Variants in KLRG1 observed in about 807,000 individuals in gnomAD.
KLRG1 encodes the protein killer cell lectin like receptor G1, also known as killer cell lectin-like receptor subfamily G member 1.
In KLRG1, 16 loss-of-function variants were observed where a neutral mutation model predicts 21.8. The observed-to-expected ratio is 0.73, with a 90% CI of 0.50 to 1.11. The LOEUF is 1.11. KLRG1 is among the 50% of genes most tolerant of loss of function. The pLI is 0.00. For missense variants in KLRG1, 173 were observed against 218.3 expected, an observed-to-expected ratio of 0.79 and a Z score of 1.31; for synonymous variants, 69 against 75.9, an observed-to-expected ratio of 0.91 and a Z score of 0.47.
intron 1 of KLRG1, among the ~76,000 whole-genome samples, chr12:8,983,680 C>G (rs757453510): frequency 6.6e-6 from 1 of 152,084 alleles, no homozygotes; most frequent in Non-Finnish European, 1.5e-5. Flanking sequence ...GGATTACAGC[C>G]GTGAACCGCC....
chr12:9,115,362 T>G, the KLRG1 span: 1 of 162,360 alleles, frequency 6.2e-6, no homozygotes, highest in Non-Finnish European at 1.4e-5. Flanking sequence ...TATAGATTTT[T>G]ATACTCCAGG....
chr12:9,111,227 A>G, the KLRG1 span, among the ~76,000 whole-genome samples: 14 of 152,216 alleles, frequency 9.2e-5, no homozygotes, highest in Non-Finnish European at 1.5e-5. Flanking sequence ...CTAGGTATTG[A>G]GAATATAACC....
the KLRG1 span, chr12:9,070,718 AG>A: frequency 1.6e-6 from 1 of 621,716 alleles, no homozygotes; most frequent in Non-Finnish European, 2.8e-6. Flanking sequence ...GGTTTGTAAA[AG>A]TGGTGTGCGT....
the KLRG1 span, chr12:9,169,339 A>T: frequency 8.2e-7 from 1 of 1,224,232 alleles, no homozygotes; most frequent in Non-Finnish European, 1.1e-6. Flanking sequence ...AGGCAAGGCT[A>T]CATAATTACT....
the KLRG1 span, chr12:9,101,273 T>C: frequency 1.9e-5 from 29 of 1,491,142 alleles, no homozygotes; most frequent in South Asian, 2.8e-4. Context: ...CTCACTTCAA[T>C]ATACTTGTTT....
chr12:9,149,326 A>G, the KLRG1 span, among the ~76,000 whole-genome samples: 1 of 152,232 alleles, frequency 6.6e-6, no homozygotes, highest in South Asian at 2.1e-4. Context: ...TCGCTTTTAG[A>G]GATAGCTGTC....
chr12:9,101,292 C>A, the KLRG1 span: 4 of 1,430,802 alleles, frequency 2.8e-6, no homozygotes, highest in African/African-American at 1.4e-5. Context: ...TTTATTGAGT[C>A]CCTGCCGGCA....
intron 2 of KLRG1, 120 bp from the exon 3 acceptor site, chr12:8,994,999 T>C (rs529271560): frequency 7.0e-5 from 57 of 814,450 alleles, no homozygotes; most frequent in Non-Finnish European, 7.0e-5. Flanking sequence ...CTCTAACCCT[T>C]AATCTGAAAA....
chr12:9,082,729 C>G, the KLRG1 span, among the ~76,000 whole-genome samples: 2 of 152,298 alleles, frequency 1.3e-5, no homozygotes, highest in Non-Finnish European at 2.9e-5. Context: ...TATGAAATCA[C>G]TGACAAAGAA....
At chr12:9,105,833 T>G in the KLRG1 span, among the ~76,000 whole-genome samples, 3 of 152,194 alleles carry the variant, frequency 2.0e-5, no homozygotes, top group Non-Finnish European at 4.4e-5. Flanking sequence ...CCCACCTGTT[T>G]CCATACAAAG....
chr12:9,074,899 C>T, the KLRG1 span: 6 of 1,091,140 alleles, frequency 5.5e-6, no homozygotes, highest in Admixed American at 2.5e-5. Context: ...ATCCCCTGTA[C>T]TGTATGTAGA....
At chr12:9,047,459 G>A in the KLRG1 span, among the ~76,000 whole-genome samples, 1 of 152,052 alleles carries the variant, frequency 6.6e-6, no homozygotes, top group East Asian at 1.9e-4. Context: ...GAGACAAAAT[G>A]AAATAATATA....
At chr12:9,151,885 T>C in the KLRG1 span, among the ~76,000 whole-genome samples, 1 of 152,246 alleles carries the variant, frequency 6.6e-6, no homozygotes, top group Admixed American at 6.5e-5. Context: ...GTTGATTTTT[T>C]TTCCTTCCCA....
chr12:9,158,679 G>T, the KLRG1 span: 1 of 1,137,286 alleles, frequency 8.8e-7, no homozygotes, highest in Non-Finnish European at 1.2e-6. Context: ...ACCCAAGAAA[G>T]TCAATCAGCT....
chr12:9,099,034 T>C, the KLRG1 span, among the ~76,000 whole-genome samples: 1 of 152,202 alleles, frequency 6.6e-6, no homozygotes, highest in Non-Finnish European at 1.5e-5. Flanking sequence ...TGCTCATTAA[T>C]TGTGGTGGGA....
chr12:9,031,389 A>C, the KLRG1 span, among the ~76,000 whole-genome samples: 35,862 of 152,144 alleles, frequency 0.24, 4,870 homozygotes, highest in South Asian at 0.32. Context: ...GGACTGTCAA[A>C]CAAAGGGAGG....
the KLRG1 span, among the ~76,000 whole-genome samples, chr12:9,197,963 T>C: frequency 7.4e-6 from 1 of 134,680 alleles, no homozygotes; most frequent in South Asian, 2.1e-4. Flanking sequence ...CATATTTATA[T>C]ATTATATATT....
At chr12:9,178,284 C>T in the KLRG1 span, among the ~76,000 whole-genome samples, 4 of 152,158 alleles carry the variant, frequency 2.6e-5, no homozygotes, top group South Asian at 2.1e-4. Context: ...TCATCTTGCT[C>T]GGGATATGAA....
the KLRG1 span, chr12:9,106,267 T>C: frequency 2.5e-4 from 404 of 1,613,128 alleles, 1 homozygote; most frequent in Middle Eastern, 8.1e-3. Flanking sequence ...CTGTCGAAAG[T>C]GTGAGTCCAC....
Sources: allele counts gnomAD v4.1 joint callset (sites outside exome capture counted in the v4.1 genomes callset), GRCh38; gene constraint gnomAD v4.1.1; transcripts MANE v1.5; gene names NCBI Gene and HGNC (gene_info 2026-07-23, HGNC 2026-07-21).